The following ZFPM2 variants were observed in gnomAD, a reference collection of about 807,000 sequenced individuals.
The protein encoded by ZFPM2 is zinc finger protein, FOG family member 2, also known as zinc finger protein ZFPM2.
In ZFPM2, 20 loss-of-function variants were observed where a neutral mutation model predicts 98.6. That is an observed-to-expected ratio of 0.20 (90% CI 0.14 to 0.29). The LOEUF (loss-of-function observed/expected upper bound fraction) is 0.29, where lower values mean the gene tolerates loss of function less well. Ranked by LOEUF, ZFPM2 falls within the 10% of genes least tolerant of loss-of-function variation. ZFPM2 has a pLI of 1.00. For missense variants in ZFPM2, 1,310 were observed against 1,388.6 expected (o/e 0.94, Z 0.90); for synonymous variants, 518 against 502.7 (o/e 1.03, Z -0.41).
intron 3 of ZFPM2, among the ~76,000 whole-genome samples, chr8:105,448,971 A>G (rs1275654771): frequency 6.6e-6 from 1 of 152,068 alleles, no homozygotes; most frequent in African/African-American, 2.4e-5. Context: ...ACATTCCATG[A>G]CCGAAGTCTG....
intron 3 of ZFPM2, among the ~76,000 whole-genome samples, chr8:105,527,744 A>G (rs1477729058): frequency 1.3e-5 from 2 of 152,146 alleles, no homozygotes; most frequent in Non-Finnish European, 2.9e-5. Flanking sequence ...GCTAATTGGA[A>G]ATGCAGTGTC....
chr8:105,786,482 T>C (rs1223861584), intron 5 of ZFPM2, among the ~76,000 whole-genome samples: 1 of 152,230 alleles, frequency 6.6e-6, no homozygotes, highest in Non-Finnish European at 1.5e-5. Flanking sequence ...AATCCAAAGA[T>C]AACTGACTTT....
At chr8:105,665,627 C>G (rs928891097) in intron 5 of ZFPM2, among the ~76,000 whole-genome samples, 6 of 152,140 alleles carry the variant, frequency 3.9e-5, no homozygotes, top group Non-Finnish European at 8.8e-5. Context: ...CTGCAGGAAA[C>G]TCATTTTAGG....
chr8:105,671,735 A>G (rs533495355), intron 5 of ZFPM2, among the ~76,000 whole-genome samples: 4 of 152,252 alleles, frequency 2.6e-5, no homozygotes, highest in East Asian at 3.9e-4. Context: ...AAGTAAGTAC[A>G]ATAGTTTAGT....
At chr8:105,376,542 G>A (rs1327130175) in intron 1 of ZFPM2, among the ~76,000 whole-genome samples, 2 of 152,088 alleles carry the variant, frequency 1.3e-5, no homozygotes, top group Non-Finnish European at 1.5e-5. Flanking sequence ...CAAATTTAAT[G>A]TGTCCCAAGA....
In ZFPM2 at chr8:105,512,545, G is replaced by A. The variant is rs567750634; in HGVS notation, c.302-48818G>A. On this transcript the variant is annotated intron_variant, in intron 3 of 7. Coordinates refer to ENST00000407775, the MANE Select transcript of ZFPM2 (RefSeq NM_012082.4). ...TAGGTATTCAGTAGCCAATCATGTG[G>A]TATACATTCCTTTTTATGCTAGCTT... Among the ~76,000 whole-genome samples, 3 of 152,238 alleles carry A rather than the reference G, an allele frequency of 2.0e-5. No individual in the cohort carries two copies. The South Asian group carries it at 6.2e-4, about 32-fold the overall frequency.
chr8:105,433,910 G>A (rs546134521), intron 2 of ZFPM2, among the ~76,000 whole-genome samples: 3 of 152,234 alleles, frequency 2.0e-5, no homozygotes, highest in South Asian at 2.1e-4. Flanking sequence ...AATAAATGTG[G>A]GTTCTAGTCT....
At chr8:105,621,191 C>A (rs1434260113) in intron 4 of ZFPM2, among the ~76,000 whole-genome samples, 1 of 151,998 alleles carries the variant, frequency 6.6e-6, no homozygotes, top group Admixed American at 6.6e-5. Flanking sequence ...TTGTTTGTGT[C>A]CTCTTATTTC....
intron 1 of ZFPM2, among the ~76,000 whole-genome samples, chr8:105,399,596 C>T (rs746421747): frequency 1.3e-5 from 2 of 152,108 alleles, no homozygotes; most frequent in African/African-American, 2.4e-5. Context: ...CCCACTAGCA[C>T]AAGGCATGCT....
chr8:105,784,676 ATCT>A (rs1563562624), intron 5 of ZFPM2: 1 of 145,828 alleles, frequency 6.9e-6, no homozygotes, highest in Non-Finnish European at 1.5e-5. Context: ...CAGCACTATC[ATCT>A]TCTGCATTTT....
intron 5 of ZFPM2, among the ~76,000 whole-genome samples, chr8:105,783,016 TG>T (rs1813296745): frequency 8.9e-6 from 1 of 111,812 alleles, no homozygotes; most frequent in Non-Finnish European, 2.1e-5. Context: ...GGAACTAAAT[TG>T]TTCAAAAATG....
At chr8:105,782,800 G>A (rs553860182) in intron 5 of ZFPM2, among the ~76,000 whole-genome samples, 5 of 151,990 alleles carry the variant, frequency 3.3e-5, no homozygotes, top group Non-Finnish European at 5.9e-5. Flanking sequence ...AATTCCATTT[G>A]TTTTCATATT....
At chr8:105,356,822 A>G (rs1394291122) in intron 1 of ZFPM2, among the ~76,000 whole-genome samples, 1 of 151,952 alleles carries the variant, frequency 6.6e-6, no homozygotes, top group Non-Finnish European at 1.5e-5. Context: ...CCTTTTCGAG[A>G]AGTGGCACCA....
At chr8:105,412,927 T>C (rs550462440) in intron 1 of ZFPM2, among the ~76,000 whole-genome samples, 2 of 151,940 alleles carry the variant, frequency 1.3e-5, no homozygotes, top group Non-Finnish European at 2.9e-5. Context: ...GAGGAACTAC[T>C]AAGAGCCACA....
chr8:105,802,642 C>A lies in ZFPM2; in HGVS notation c.2560C>A (p.His854Asn). 6.2e-7 allele frequency: 1 copy of A among 1,610,946 alleles called. No individual in the cohort carries two copies. The highest frequency in any genetic ancestry group is 1.7e-5 in the Admixed American group (1 of 59,512). Residue 854 changes from histidine (H) to asparagine (N), a missense_variant, in exon 8 of 8, where the codon CAC becomes AAC. His to Asn is a moderately conservative substitution (Grantham distance 68). Coordinates refer to ENST00000407775, the MANE Select transcript of ZFPM2 (RefSeq NM_012082.4). ...GTCTCCCAAAAGGCTGCTGGACTATCACGAGTGCACTGTGTGCAAGATCAG... is the reference window on the plus strand; with the variant it reads ...GTCTCCCAAAAGGCTGCTGGACTATAACGAGTGCACTGTGTGCAAGATCAG... ...TTSPKRLLDY[H>N]ECTVCKISFN...
At chr8:105,382,233 C>G (rs1487942424) in intron 1 of ZFPM2, among the ~76,000 whole-genome samples, 1 of 152,000 alleles carries the variant, frequency 6.6e-6, no homozygotes, top group African/African-American at 2.4e-5. Context: ...TTTCCTGACA[C>G]CATCCTTCTG....
At chr8:105,755,583 T>C (rs1563550478) in intron 5 of ZFPM2, among the ~76,000 whole-genome samples, 1 of 152,136 alleles carries the variant, frequency 6.6e-6, no homozygotes, top group Non-Finnish European at 1.5e-5. Flanking sequence ...GCTTAATCTT[T>C]ATAGGAAGAA....
At chr8:105,760,564 A>T (rs1350977090) in intron 5 of ZFPM2, among the ~76,000 whole-genome samples, 1 of 152,062 alleles carries the variant, frequency 6.6e-6, no homozygotes, top group East Asian at 1.9e-4. Flanking sequence ...GCAGGAAATG[A>T]TATGAGGGAG....
intron 5 of ZFPM2, among the ~76,000 whole-genome samples, chr8:105,702,811 C>A (rs2130959753): frequency 6.6e-6 from 1 of 152,270 alleles, no homozygotes; most frequent in Non-Finnish European, 1.5e-5. Context: ...ACAACCAGAT[C>A]AGCAGCAGGA....
Sources: allele counts gnomAD v4.1 joint callset (sites outside exome capture counted in the v4.1 genomes callset), GRCh38; gene constraint gnomAD v4.1.1; transcripts MANE v1.5; gene names NCBI Gene and HGNC (gene_info 2026-07-23, HGNC 2026-07-21).